The following FOCAD variants were observed in gnomAD, a reference collection of about 807,000 sequenced individuals.
FOCAD encodes the protein KIAA1797.
Under a neutral mutation model 225.6 loss-of-function variants are expected in FOCAD, and 198 were observed. That is an observed-to-expected ratio of 0.88 (90% CI 0.78 to 0.99). The LOEUF is 0.99. Ranked by LOEUF, FOCAD falls within the 50% of genes least tolerant of loss-of-function variation. The pLI, the probability that FOCAD is intolerant of heterozygous loss-of-function variation, is 0.00. For synonymous variants in FOCAD, 897 were observed against 755.0 expected (o/e 1.19, Z -3.08); for missense variants, 2,713 against 2,123.6 (o/e 1.28, Z -5.46).
At chr9:20,965,346 G>A (rs1312644676) in intron 35 of FOCAD, among the ~76,000 whole-genome samples, 2 of 152,092 alleles carry the variant, frequency 1.3e-5, no homozygotes, top group Non-Finnish European at 2.9e-5. Flanking sequence ...AGGATTCTTT[G>A]GTTTCACAGA....
At chr9:20,949,050 A>G (rs1837449905) in intron 32 of FOCAD, 122 bp downstream of exon 32, 1 of 830,200 alleles carries the variant, frequency 1.2e-6, no homozygotes, top group Non-Finnish European at 1.9e-6. Flanking sequence ...TAATAGTTAC[A>G]CCAGACTTTT....
At chr9:20,698,949 T>C (rs1823612566) in intron 1 of FOCAD, among the ~76,000 whole-genome samples, 1 of 152,232 alleles carries the variant, frequency 6.6e-6, no homozygotes, top group Non-Finnish European at 1.5e-5. Flanking sequence ...CTTTGGGATA[T>C]AGCCAAGAAG....
At chr9:20,866,051 T>C in intron 17 of FOCAD, 75 bp downstream of exon 17, 1 of 1,265,232 alleles carries the variant, frequency 7.9e-7, no homozygotes, top group Non-Finnish European at 1.1e-6. Flanking sequence ...AATAAGACTC[T>C]TAGGATAAAA....
At chr9:20,740,753 T>A (rs186676234) in intron 5 of FOCAD, among the ~76,000 whole-genome samples, 2 of 152,322 alleles carry the variant, frequency 1.3e-5, no homozygotes, top group African/African-American at 4.8e-5. Context: ...TATTTCCAAG[T>A]GACTTAGGCC....
At chr9:20,880,461 A>G (rs1436436981) in intron 19 of FOCAD, among the ~76,000 whole-genome samples, 4 of 152,324 alleles carry the variant, frequency 2.6e-5, no homozygotes, top group Non-Finnish European at 4.4e-5. Context: ...ATGTCCTGCC[A>G]GTGACTCCAG....
At chr9:20,661,912 A>G (rs1563861881) in intron 2 of FOCAD, among the ~76,000 whole-genome samples, 1 of 152,234 alleles carries the variant, frequency 6.6e-6, no homozygotes, top group African/African-American at 2.4e-5. Context: ...TGCTGCTGTA[A>G]AAGAAAGAAT....
intron 35 of FOCAD, among the ~76,000 whole-genome samples, chr9:20,957,943 C>T (rs1274485702): frequency 6.6e-6 from 1 of 151,970 alleles, no homozygotes; most frequent in Non-Finnish European, 1.5e-5. Context: ...CGTTGCCCTT[C>T]AAAAAGCTTT....
intron 4 of FOCAD, 93 bp from the exon 5 acceptor site, chr9:20,740,143 G>C: frequency 1.3e-6 from 1 of 788,464 alleles, no homozygotes; most frequent in Non-Finnish European, 2.1e-6. Context: ...TGGGTGGCAA[G>C]TATTAAAATT....
chr9:20,740,472 A>T (rs2131663940), intron 5 of FOCAD, 132 bp downstream of exon 5: 1 of 522,174 alleles, frequency 1.9e-6, no homozygotes, highest in East Asian at 3.1e-5. Context: ...GTGGGTGTTG[A>T]CCTCTCAGGA....
chr9:20,718,322 A>T (rs1241507035), intron 3 of FOCAD, among the ~76,000 whole-genome samples: 3 of 152,166 alleles, frequency 2.0e-5, no homozygotes, highest in Non-Finnish European at 4.4e-5. Flanking sequence ...AAAGCTGAAA[A>T]ATTCCATCTT....
chr9:20,938,787 A>T (rs1587669578), intron 28 of FOCAD, among the ~76,000 whole-genome samples: 1 of 152,224 alleles, frequency 6.6e-6, no homozygotes, highest in East Asian at 1.9e-4. Flanking sequence ...ATTTTTAAGA[A>T]TTCATTATAT....
intron 11 of FOCAD, among the ~76,000 whole-genome samples, chr9:20,799,800 C>G (rs1034342982): frequency 5.3e-5 from 8 of 152,072 alleles, no homozygotes; most frequent in Non-Finnish European, 1.0e-4. Flanking sequence ...ACTCTTTATC[C>G]AATTTGCCAC....
At chr9:20,762,857 G>T (rs567763201) in intron 6 of FOCAD, among the ~76,000 whole-genome samples, 2 of 152,046 alleles carry the variant, frequency 1.3e-5, no homozygotes, top group East Asian at 3.9e-4. Context: ...TGTGTCTGTT[G>T]TTCCCACCTT....
chr9:20,711,349 G>T (rs1824831394), intron 1 of FOCAD, among the ~76,000 whole-genome samples: 1 of 152,168 alleles, frequency 6.6e-6, no homozygotes, highest in African/African-American at 2.4e-5. Flanking sequence ...GGGTAAGACT[G>T]TTGATAGGAA....
At chr9:20,868,495 A>G (rs187385715) in intron 18 of FOCAD, among the ~76,000 whole-genome samples, 19 of 152,168 alleles carry the variant, frequency 1.2e-4, no homozygotes, top group African/African-American at 4.3e-4. Context: ...TAAGTGCTAT[A>G]CTCAGCCAAG....
intron 24 of FOCAD, among the ~76,000 whole-genome samples, chr9:20,917,707 T>C (rs976427929): frequency 1.3e-5 from 2 of 152,142 alleles, no homozygotes; most frequent in African/African-American, 2.4e-5. Flanking sequence ...GTATTAAAAG[T>C]CCATATCATC....
intron 1 of FOCAD, among the ~76,000 whole-genome samples, chr9:20,687,894 A>G (rs541093803): frequency 2.0e-5 from 3 of 152,242 alleles, no homozygotes; most frequent in Non-Finnish European, 4.4e-5. Flanking sequence ...GTTTGAGGAG[A>G]TTCAGAGAAG....
chr9:20,932,859 A>C (rs1835609165), intron 27 of FOCAD, among the ~76,000 whole-genome samples, 155 bp from the exon 28 acceptor site: 1 of 152,026 alleles, frequency 6.6e-6, no homozygotes, highest in African/African-American at 2.4e-5. Context: ...GTAACTACCA[A>C]ATAAGAATAG....
rs528026077 is a variant in FOCAD at position 20,866,791 on chromosome 9, A to G, written c.2107-138A>G. ...TAGGCAAAGCTTTAATACCATTTTCAAAGCACTGACTGTAGAACTTTGGGA... is the reference window on the plus strand; with the variant it reads ...TAGGCAAAGCTTTAATACCATTTTCGAAGCACTGACTGTAGAACTTTGGGA... On this transcript the variant is annotated intron_variant, in intron 17 of 43. Transcript: ENST00000338382. 7.3e-6 allele frequency: 4 copies of G among 544,750 alleles called. No homozygotes were observed. In the East Asian group the frequency reaches 1.3e-4, roughly 17 times the overall value. 33.7% of individuals were successfully genotyped at this position (544,750 alleles called of 1,614,324 possible).
Sources: gnomAD v4.1 joint callset for allele counts (sites outside exome capture counted in the v4.1 genomes callset) on GRCh38, gnomAD v4.1.1 for gene constraint, MANE v1.5 for transcripts, NCBI Gene and HGNC (gene_info 2026-07-23, HGNC 2026-07-21) for gene names.